HMCN1: variants seen among roughly 807,000 people sequenced by gnomAD.
HMCN1 encodes hemicentin-1.
A neutral mutation model predicts 625.9 loss-of-function variants in HMCN1; 321 were observed. The ratio of observed to expected loss-of-function variants is 0.51; its 90% CI spans 0.47 to 0.56. The LOEUF is 0.56. HMCN1 is among the 20% of genes least tolerant of loss of function. The pLI is 0.00. For missense variants in HMCN1, 6,588 were observed against 6,887.3 expected (o/e 0.96, Z 1.54); for synonymous variants, 2,425 against 2,417.6 (o/e 1.00, Z -0.09).
intron 1 of HMCN1, among the ~76,000 whole-genome samples, chr1:185,792,410 G>A (rs1280398462): frequency 6.6e-6 from 1 of 152,040 alleles, no homozygotes; most frequent in Non-Finnish European, 1.5e-5. Context: ...TATCTTTTTA[G>A]TAGAAAATTG....
At chr1:185,793,428 A>G (rs1658138975) in intron 1 of HMCN1, among the ~76,000 whole-genome samples, 1 of 152,052 alleles carries the variant, frequency 6.6e-6, no homozygotes, top group African/African-American at 2.4e-5. Flanking sequence ...TCCCTCTTGT[A>G]AGGTCTCTTG....
chr1:185,930,187 C>T (rs1320255581), intron 10 of HMCN1, among the ~76,000 whole-genome samples: 3 of 152,130 alleles, frequency 2.0e-5, no homozygotes, highest in Non-Finnish European at 2.9e-5. Flanking sequence ...TTGTACTGTG[C>T]CCAAGCTGAT....
chr1:185,778,520 A>C (rs1321813168), intron 1 of HMCN1, among the ~76,000 whole-genome samples: 26 of 93,582 alleles, frequency 2.8e-4, no homozygotes, highest in Non-Finnish European at 4.5e-4. Flanking sequence ...AACAGTCCCC[A>C]GTGTGTGGTG....
chr1:186,029,537 A>T (rs1655279550), intron 36 of HMCN1, among the ~76,000 whole-genome samples: 1 of 94,190 alleles, frequency 1.1e-5, no homozygotes, highest in African/African-American at 5.7e-5. Flanking sequence ...TCTTCTCCTA[A>T]AGTTTTTTTT....
At chr1:186,182,821 G>C (rs980722570) in intron 105 of HMCN1, among the ~76,000 whole-genome samples, 14 of 152,184 alleles carry the variant, frequency 9.2e-5, no homozygotes, top group African/African-American at 3.4e-4. Context: ...TCCCCTTTAA[G>C]AGTTTACAGT....
intron 6 of HMCN1, among the ~76,000 whole-genome samples, 197 bp from the exon 7 acceptor site, chr1:185,922,182 G>A (rs1667035509): frequency 6.6e-6 from 1 of 151,994 alleles, no homozygotes; most frequent in Admixed American, 6.6e-5. Flanking sequence ...TTTTAGAGCT[G>A]TCCCCATGGG....
chr1:186,084,574 G>T (rs1011369033), intron 57 of HMCN1, among the ~76,000 whole-genome samples: 2 of 151,838 alleles, frequency 1.3e-5, no homozygotes, highest in African/African-American at 4.8e-5. Flanking sequence ...TGCTTCTTTT[G>T]TACTCCTTCA....
chr1:186,001,447 A>T lies in HMCN1; in HGVS notation c.4200+19A>T, dbSNP rs762446786. On this transcript the variant is annotated intron_variant, in intron 27 of 106. Coordinates refer to ENST00000271588, the MANE Select transcript of HMCN1 (RefSeq NM_031935.3). ...TGTCCAGGTAAATAGAGTCATCCAA[A>T]TACGTGTAATTCCTTGCCTCTGCAT... The T allele has an allele frequency of 6.2e-7, 1 of 1,611,648 alleles. No individual in the cohort carries two copies.
chr1:186,125,101 T>G (rs1454050901), intron 81 of HMCN1, among the ~76,000 whole-genome samples: 1 of 152,140 alleles, frequency 6.6e-6, no homozygotes, highest in Non-Finnish European at 1.5e-5. Flanking sequence ...TTGTATTCAT[T>G]GTAACATGTA....
At chr1:186,060,686 C>T (rs1417348512) in intron 46 of HMCN1, among the ~76,000 whole-genome samples, 2 of 152,040 alleles carry the variant, frequency 1.3e-5, no homozygotes, top group African/African-American at 2.4e-5. Context: ...TGTAGGATTC[C>T]ATGAAGCTTA....
intron 15 of HMCN1, among the ~76,000 whole-genome samples, chr1:185,971,058 A>T (rs1322516391): frequency 6.6e-6 from 1 of 152,176 alleles, no homozygotes; most frequent in Admixed American, 6.5e-5. Context: ...TATAAAGGCT[A>T]AGCAACTTGA....
At position 186,083,113 on chromosome 1, in the gene HMCN1, G is replaced by A. The variant is rs572150724; in HGVS notation, c.8884+152G>A. 317 of 411,558 alleles carry A rather than the reference G, an allele frequency of 7.7e-4. 2 individuals are homozygous for A. The highest frequency in any genetic ancestry group is 3.3e-3 in the African/African-American group (161 of 48,398). The allele number at this position is 411,558 out of a possible 1,614,324, so 25.5% of individuals were successfully genotyped here. A position where few individuals can be genotyped will look rare whatever the true frequency, so the allele number is the denominator to read the frequency against. ...AATCCCCTCTCTTCTTTCTTTCCAC[G>A]ATGGCTAGTAGGATTTATAAAGCAT... is the stretch of plus-strand genomic sequence containing the variant. On this transcript the variant is annotated intron_variant, in intron 57 of 106. Coordinates refer to ENST00000271588, the MANE Select transcript of HMCN1 (RefSeq NM_031935.3).
intron 1 of HMCN1, among the ~76,000 whole-genome samples, chr1:185,758,812 C>T (rs1655300263): frequency 6.6e-6 from 1 of 151,958 alleles, no homozygotes. Context: ...ATTTATTAGG[C>T]ATTTTCATGC....
At chr1:186,085,260 TG>T (rs1659401464) in intron 57 of HMCN1, among the ~76,000 whole-genome samples, 2 of 152,154 alleles carry the variant, frequency 1.3e-5, no homozygotes, top group Admixed American at 1.3e-4. Flanking sequence ...GACCAGAGAC[TG>T]TGTGGCTTAA....
chr1:185,955,578 A>G (rs1292386522), intron 11 of HMCN1, among the ~76,000 whole-genome samples: 1 of 152,204 alleles, frequency 6.6e-6, no homozygotes, highest in African/African-American at 2.4e-5. Flanking sequence ...ATTCTTTCAT[A>G]TCATAAAATA....
chr1:186,151,105 A>G (rs1014876051), intron 93 of HMCN1, 95 bp from the exon 94 acceptor site: 184 of 1,229,674 alleles, frequency 1.5e-4, no homozygotes, highest in Non-Finnish European at 2.0e-4. Flanking sequence ...TTGAGAAAAG[A>G]TTTGTAGCAT....
chr1:185,922,588 G>C, intron 7 of HMCN1, 89 bp downstream of exon 7: 1 of 1,268,370 alleles, frequency 7.9e-7, no homozygotes, highest in Non-Finnish European at 1.1e-6. Flanking sequence ...TAATTTTGTA[G>C]TATTCAATAA....
intron 24 of HMCN1, 55 bp from the exon 25 acceptor site, chr1:185,997,374 A>G (rs1164709587): frequency 5.6e-6 from 6 of 1,077,330 alleles, no homozygotes; most frequent in African/African-American, 1.6e-5. Context: ...GTGCCTTAGG[A>G]GAGTTTGAAA....
chr1:186,001,636 A>G lies in HMCN1; in HGVS notation c.4243A>G (p.Ile1415Val), dbSNP rs1558132451. ...TATTCAGACTGTGAACAATGGGAAG[A>G]TACTGAAGCTCTTCAGAGCCACTCC... is the stretch of plus-strand genomic sequence containing the variant. ...STIQTVNNGK[I>V]LKLFRATPED... is the part of the protein sequence containing the mutation. The change falls in exon 28 of 107, where the codon ATA becomes GTA. Residue 1415 changes from isoleucine to valine, a missense_variant. By Grantham distance (29) the Ile-to-Val change is conservative (BLOSUM62 3). Around this residue, in one of 3 missense-constraint regions of HMCN1, gnomAD observed 4,628 missense variants for 4,853.1 expected, o/e 0.95. Transcript: ENST00000271588. The G allele has an allele frequency of 6.2e-7, 1 of 1,613,216 alleles. No individual in the cohort carries two copies. The highest frequency in any genetic ancestry group is 8.5e-7 in the Non-Finnish European group (1 of 1,179,360).
Sources: gnomAD v4.1 joint callset for allele counts (sites outside exome capture counted in the v4.1 genomes callset) on GRCh38, gnomAD v4.1.1 for gene constraint, gnomAD v4.1.1 regional missense constraint, MANE v1.5 for transcripts, NCBI Gene and HGNC (gene_info 2026-07-23, HGNC 2026-07-21) for gene names.